ZNF75D: variants seen among roughly 807,000 people sequenced by gnomAD.
ZNF75D encodes zinc finger protein 75D.
ZNF75D carries 33 observed loss-of-function variants against 33.3 expected under a neutral mutation model. The ratio of observed to expected loss-of-function variants is 0.99; its 90% CI spans 0.75 to 1.32. ZNF75D has a LOEUF of 1.32. Ranked by LOEUF, ZNF75D falls within the 40% of genes most tolerant of loss-of-function variation. The pLI, the probability that ZNF75D is intolerant of heterozygous loss-of-function variation, is 0.00. For missense variants in ZNF75D, 338 were observed against 367.5 expected (o/e 0.92, Z 0.66); for synonymous variants, 113 against 130.6 (o/e 0.87, Z 0.92).
In ZNF75D at chrX:135,291,538, G is replaced by T. The variant is rs781846753; in HGVS notation, c.630C>A (p.Ala210=). The change falls in exon 5 of 7, where the codon GCC becomes GCA. Residue 210 remains alanine, a synonymous_variant. Transcript: ENST00000370766. ...GTTTGATTCTTTTCTGCTCAGAAAGGGCTAACATCTGTTGATCATGCACAG... is the reference window on the plus strand; with the variant it reads ...GTTTGATTCTTTTCTGCTCAGAAAGTGCTAACATCTGTTGATCATGCACAG... ...ERAVHDQQML[A]LSEQKRIKHW... The T allele has an allele frequency of 8.3e-7, 1 of 1,210,623 alleles. No individual in the cohort carries two copies. The highest frequency in any genetic ancestry group is 2.2e-5 in the Admixed American group (1 of 46,077).
At chrX:135,265,214 T>A (rs187893927) in intron 1 of ZNF75D, among the ~76,000 whole-genome samples, 218 of 104,369 alleles carry the variant, frequency 2.1e-3, no homozygotes, top group African/African-American at 7.5e-3. Flanking sequence ...AGTGAAACTC[T>A]GTCTCAAAAA....
At chrX:135,293,293 C>T (rs1389529459) in intron 3 of ZNF75D, among the ~76,000 whole-genome samples, 2 of 111,683 alleles carry the variant, frequency 1.8e-5, no homozygotes, top group Non-Finnish European at 3.8e-5. Context: ...ATTTTGTTCT[C>T]TTTCTTTGCA....
chrX:135,295,622 C>T (rs1384999938), intron 2 of ZNF75D, 146 bp downstream of exon 2: 1 of 112,348 alleles, frequency 8.9e-6, no homozygotes, highest in Non-Finnish European at 1.9e-5. Flanking sequence ...AGTGGCGCCA[C>T]TGCCCACTGA....
chrX:135,258,358 G>C (rs1254030934), intron 1 of ZNF75D, among the ~76,000 whole-genome samples: 1 of 110,466 alleles, frequency 9.1e-6, no homozygotes, highest in Non-Finnish European at 1.9e-5. Flanking sequence ...CTAGATCCTT[G>C]AGGAATCGCC....
chrX:135,333,373 C>T (rs2084674054), intron 1 of ZNF75D, among the ~76,000 whole-genome samples: 1 of 111,641 alleles, frequency 9.0e-6, no homozygotes, highest in Non-Finnish European at 1.9e-5. Context: ...GCAAGGAAGG[C>T]CAGGTGATAT....
chrX:135,259,044 A>C (rs2083825670), intron 1 of ZNF75D, among the ~76,000 whole-genome samples: 1 of 112,194 alleles, frequency 8.9e-6, no homozygotes, highest in Non-Finnish European at 1.9e-5. Flanking sequence ...CCATTTATTA[A>C]ATAGGGAATC....
intron 1 of ZNF75D, among the ~76,000 whole-genome samples, chrX:135,262,702 T>C (rs781985013): frequency 1.8e-5 from 2 of 112,163 alleles, no homozygotes; most frequent in South Asian, 7.5e-4. Context: ...TCTAATCTTT[T>C]TTCAAGGTTT....
chrX:135,327,014 T>C (rs1209524950), intron 1 of ZNF75D, among the ~76,000 whole-genome samples: 14 of 112,686 alleles, frequency 1.2e-4, no homozygotes, highest in African/African-American at 4.2e-4. Flanking sequence ...TTCCCAAGAA[T>C]GATGGTGCTA....
chrX:135,258,227 G>C (rs782500147), intron 1 of ZNF75D, among the ~76,000 whole-genome samples: 2 of 104,558 alleles, frequency 1.9e-5, no homozygotes, highest in South Asian at 3.9e-4. Flanking sequence ...CCAAGTCTTT[G>C]CTATTGTGAA....
intron 1 of ZNF75D, among the ~76,000 whole-genome samples, chrX:135,326,275 C>T (rs1392563646): frequency 9.3e-6 from 1 of 107,550 alleles, no homozygotes; most frequent in Non-Finnish European, 1.9e-5. Context: ...CTGTATCTAG[C>T]TCAAGGTTTG....
chrX:135,268,863 G>A, intron 1 of ZNF75D, among the ~76,000 whole-genome samples: 1 of 111,799 alleles, frequency 8.9e-6, no homozygotes, highest in South Asian at 3.7e-4. Context: ...CAGAGCTATA[G>A]GAATCAAAAC....
chrX:135,263,277 C>T (rs782547019), intron 1 of ZNF75D, among the ~76,000 whole-genome samples: 1 of 113,013 alleles, frequency 8.8e-6, no homozygotes, highest in South Asian at 3.6e-4. Flanking sequence ...GGGTCAGCAA[C>T]CCACTTGAGG....
chrX:135,294,212 G>T lies in ZNF75D; in HGVS notation c.-72C>A. 3.2e-6 allele frequency: 3 copies of T among 934,763 alleles called. No homozygotes were observed. The highest frequency in any genetic ancestry group is 4.4e-6 in the Non-Finnish European group (3 of 676,408). The allele number at this position is 934,763 out of a possible 1,213,427, so 77.0% of individuals were successfully genotyped here. ...CTGGTACCACCTTTGACAAATCAGG[G>T]TGCATCAGGTTGGTACCAAATCAAT... On this transcript the variant is annotated 5_prime_UTR_variant, in exon 3 of 7. Coordinates refer to ENST00000370766, the MANE Select transcript of ZNF75D (RefSeq NM_007131.5).
intron 1 of ZNF75D, among the ~76,000 whole-genome samples, chrX:135,325,521 A>G (rs113141409): frequency 0.25 from 28,062 of 110,892 alleles, 2,830 homozygotes; most frequent in South Asian, 0.43. Context: ...CCGGGTGGGC[A>G]TGGGCTTGGC....
intron 1 of ZNF75D, among the ~76,000 whole-genome samples, chrX:135,257,811 A>G (rs1432093747): frequency 8.9e-6 from 1 of 111,797 alleles, no homozygotes; most frequent in Non-Finnish European, 1.9e-5. Context: ...GAGATCTTTT[A>G]TTATTATTAT....
chrX:135,260,151 A>G (rs2083832786), intron 1 of ZNF75D, among the ~76,000 whole-genome samples: 1 of 112,180 alleles, frequency 8.9e-6, no homozygotes, highest in South Asian at 3.7e-4. Flanking sequence ...AGCCCACTTG[A>G]TCATGACAGA....
At chrX:135,260,279 G>C (rs12560227) in intron 1 of ZNF75D, among the ~76,000 whole-genome samples, 23,379 of 111,095 alleles carry the variant, frequency 0.21, 2,038 homozygotes, top group Middle Eastern at 0.38. Flanking sequence ...TCTCTGCCAG[G>C]CTTTGGTATC....
At chrX:135,327,301 C>T (rs2084594182) in intron 1 of ZNF75D, among the ~76,000 whole-genome samples, 2 of 112,611 alleles carry the variant, frequency 1.8e-5, no homozygotes, top group Non-Finnish European at 3.8e-5. Flanking sequence ...TTTTATCTCC[C>T]AGACCACTGA....
At chrX:135,289,621 CACACAG>C (rs1331147149) in intron 6 of ZNF75D, among the ~76,000 whole-genome samples, 11 of 54,296 alleles carry the variant, frequency 2.0e-4, no homozygotes, top group Non-Finnish European at 3.3e-4. Context: ...GACACACACA[CACACAG>C]ACACACACAC....
Sources: gnomAD v4.1 joint callset for allele counts (sites outside exome capture counted in the v4.1 genomes callset) on GRCh38, gnomAD v4.1.1 for gene constraint, MANE v1.5 for transcripts, NCBI Gene and HGNC (gene_info 2026-07-23, HGNC 2026-07-21) for gene names.